The following FCHO1 variants were observed in gnomAD, a reference collection of about 807,000 sequenced individuals.
FCHO1 encodes FCH and mu domain containing endocytic adaptor 1, also known as F-BAR domain only protein 1.
In FCHO1, 45 loss-of-function variants were observed where a neutral mutation model predicts 114.4. The ratio of observed to expected loss-of-function variants is 0.39; its 90% CI spans 0.31 to 0.50. FCHO1 has a LOEUF of 0.50. Among genes scored for constraint, FCHO1 ranks in the 20% least tolerant of loss-of-function variants. The probability of loss-of-function intolerance (pLI) is 0.77; values close to 1 mark genes in which losing one functional copy is unlikely to be tolerated. For missense variants in FCHO1, 1,042 were observed against 1,209.6 expected (o/e 0.86, Z 2.06); for synonymous variants, 480 against 488.9 (o/e 0.98, Z 0.24).
At chr19:17,761,039 C>G (rs771069906) in intron 4 of FCHO1, among the ~76,000 whole-genome samples, 3 of 152,164 alleles carry the variant, frequency 2.0e-5, no homozygotes, top group Non-Finnish European at 4.4e-5. Context: ...CCTCCCCCAC[C>G]ATGACAACCC....
chr19:17,782,196 GTTTA>G lies in FCHO1; in HGVS notation c.1937+380_1937+383del, dbSNP rs963701450. Among the ~76,000 whole-genome samples the G allele has an allele frequency of 8.2e-4, 125 of 151,644 alleles. 1 individual carries two copies. The highest frequency in any genetic ancestry group is 5.2e-3 in the South Asian group (25 of 4,802). On this transcript the variant is annotated intron_variant, in intron 23 of 28. Coordinates refer to ENST00000596536, the MANE Select transcript of FCHO1 (RefSeq NM_015122.3). ...GACTAAATTATTGTGCTTTTTGTTTGTTTATTTGTTTGTTTGTTTGTTTTGAGAC... is the reference window on the plus strand; with the variant it reads ...GACTAAATTATTGTGCTTTTTGTTTGTTTGTTTGTTTGTTTGTTTTGAGAC...
intron 26 of FCHO1, among the ~76,000 whole-genome samples, chr19:17,786,183 A>G (rs1335951993): frequency 6.6e-6 from 1 of 151,980 alleles, no homozygotes; most frequent in African/African-American, 2.4e-5. Context: ...AATTACAAAA[A>G]TTAGCCAGGC....
intron 27 of FCHO1, among the ~76,000 whole-genome samples, chr19:17,787,249 A>G (rs967421029): frequency 2.2e-5 from 3 of 137,400 alleles, no homozygotes; most frequent in Non-Finnish European, 4.6e-5. Context: ...AAAAAAAAAA[A>G]AAAAGCTGGA....
upstream of FCHO1, among the ~76,000 whole-genome samples, chr19:17,748,825 A>G (rs1180892503): frequency 6.6e-6 from 1 of 152,178 alleles, no homozygotes; most frequent in Non-Finnish European, 1.5e-5. Context: ...TGCATTTTAC[A>G]GATTCTGAAC....
rs1285153356 is a variant in FCHO1 at position 17,751,802 on chromosome 19, A to G, written c.-183+225A>G. ...TAGGGGGGCGGCAAGGGGAGCTTGG[A>G]AACCCAGAGAGCCACGCGTGATGGT... On this transcript the variant is annotated intron_variant, in intron 1 of 28. Transcript: ENST00000596536. This position sits in a 1 kb window ranked among gnomAD's most constrained non-coding sequence, Gnocchi z 4.4. Among the ~76,000 whole-genome samples the G allele has an allele frequency of 2.0e-5, 3 of 152,222 alleles. No individual in the cohort carries two copies. Among genetic ancestry groups the G allele is most frequent in the African/African-American group, 4.8e-5 (2 of 41,462 alleles).
Position 17,784,787 on chromosome 19 carries a change from C to T in FCHO1, c.2289C>T (p.Ala763=), listed in dbSNP as rs767495018. ...TCAGTGCCCACTGGCAGTGTGGAGC[C>T]ACCCTCACCCAGGTCTCAGTGGAGT... is the stretch of plus-strand genomic sequence containing the variant. The part of the protein sequence containing the change: ...LQLSAHWQCG[A]TLTQVSVEYG... Residue 763 remains alanine, a synonymous_variant, in exon 26 of 29, where the codon GCC becomes GCT. Coordinates refer to ENST00000596536, the MANE Select transcript of FCHO1 (RefSeq NM_015122.3). The surrounding 1 kb of genome is among the most constrained non-coding windows in gnomAD (Gnocchi z 5.3). 35 of 1,613,978 alleles carry T rather than the reference C, an allele frequency of 2.2e-5. No individual in the cohort carries two copies. Among genetic ancestry groups the T allele is most frequent in the Non-Finnish European group, 4.2e-6 (5 of 1,180,032 alleles).
At chr19:17,757,337 T>G (rs531487086) in intron 4 of FCHO1, among the ~76,000 whole-genome samples, 23 of 151,840 alleles carry the variant, frequency 1.5e-4, no homozygotes, top group African/African-American at 5.6e-4. Flanking sequence ...CTGCTGGGGG[T>G]TTGCCAGGTC....
chr19:17,781,327 G>A lies in FCHO1; in HGVS notation c.1724G>A (p.Arg575His), dbSNP rs934234198. 43 of 1,613,658 alleles carry A rather than the reference G, an allele frequency of 2.7e-5. No individual in the cohort carries two copies. The highest frequency in any genetic ancestry group is 1.1e-4 in the South Asian group (10 of 91,082). The change falls in exon 21 of 29, where the codon CGT becomes CAT. Residue 575 changes from arginine (R) to histidine (H), a missense_variant. Transcript: ENST00000596536. ...RSRKVSCPLT[R>H]SNGDLSRSLS... ...AGGAAGGTGTCCTGCCCTCTCACAC[G>A]TAGCAATGGGGACCTGGTAGGTGAG...
intron 4 of FCHO1, among the ~76,000 whole-genome samples, chr19:17,761,902 G>T (rs1032268039): frequency 6.6e-6 from 1 of 150,520 alleles, no homozygotes. Context: ...CTCATGGTCC[G>T]CCCGCCTCAG....
rs753249852 is a variant in FCHO1, at chr19:17,784,855, C to T, written c.2357C>T (p.Thr786Met). Residue 786 changes from threonine to methionine, a missense_variant, in exon 26 of 29, where the codon ACG becomes ATG. Thr to Met is a moderately conservative substitution (Grantham distance 81). This residue lies in a region of FCHO1 where 137 missense variants were observed against 190.0 expected (regional missense o/e 0.72). Coordinates refer to ENST00000596536, the MANE Select transcript of FCHO1 (RefSeq NM_015122.3). This position sits in a 1 kb window ranked among gnomAD's most constrained non-coding sequence, Gnocchi z 5.3. ...GCCACGGCTGTGCCCACACCACTCACGAACGTCCAGATCCTGCTGCCTGTG... is the reference window on the plus strand; with the variant it reads ...GCCACGGCTGTGCCCACACCACTCATGAACGTCCAGATCCTGCTGCCTGTG... ...PGATAVPTPL[T>M]NVQILLPVGE... 72 of 1,613,702 alleles carry T rather than the reference C, an allele frequency of 4.5e-5. No individual in the cohort carries two copies. In the Admixed American group the frequency reaches 4.7e-4, roughly 10 times the overall value.
chr19:17,770,684 T>A, intron 8 of FCHO1, 107 bp downstream of exon 8: 1 of 1,577,306 alleles, frequency 6.3e-7, no homozygotes, highest in East Asian at 2.2e-5. Flanking sequence ...AACCTGTGGG[T>A]GATCACACCC....
At chr19:17,757,182 TA>T (rs768156240) in intron 4 of FCHO1, among the ~76,000 whole-genome samples, 1,584 of 83,370 alleles carry the variant, frequency 0.019, 17 homozygotes, top group African/African-American at 0.037. Flanking sequence ...AGACTCCGTC[TA>T]AAAAAAAAAA....
At chr19:17,765,951 C>G (rs531444356) in intron 6 of FCHO1, among the ~76,000 whole-genome samples, 4 of 132,366 alleles carry the variant, frequency 3.0e-5, no homozygotes, top group Non-Finnish European at 6.2e-5. Flanking sequence ...TGCAGTGGCG[C>G]GATCTTGGCT....
At chr19:17,762,119 G>A (rs895892290) in intron 4 of FCHO1, among the ~76,000 whole-genome samples, 2 of 151,620 alleles carry the variant, frequency 1.3e-5, no homozygotes, top group Non-Finnish European at 2.9e-5. Context: ...CCAAGTAGCT[G>A]GGATTACAGG....
Position 17,775,112 on chromosome 19 carries a change from A to G in FCHO1, c.945+32A>G, listed in dbSNP as rs2092432276. 6.2e-7 allele frequency: 1 copy of G among 1,605,466 alleles called. No individual in the cohort carries two copies. Among genetic ancestry groups the G allele is most frequent in the African/African-American group, 1.3e-5 (1 of 74,640 alleles). On this transcript the variant is annotated intron_variant, in intron 14 of 28. Transcript: ENST00000596536. This position sits in a 1 kb window ranked among gnomAD's most constrained non-coding sequence, Gnocchi z 5.1. ...GATGTGGGAGGGGTCAGGCTGGGCT[A>G]CAAGTGGAAGGAGTTTGATCCCACT...
chr19:17,784,799 G>C lies in FCHO1; in HGVS notation c.2301G>C (p.Gln767His), dbSNP rs753564254. 2 of 1,614,116 alleles carry C rather than the reference G, an allele frequency of 1.2e-6. No individual in the cohort carries two copies. Among genetic ancestry groups the C allele is most frequent in the South Asian group, 2.2e-5 (2 of 91,090 alleles). ...GGCAGTGTGGAGCCACCCTCACCCA[G>C]GTCTCAGTGGAGTACGGCTACCGGC... ...AHWQCGATLTQVSVEYGYRPG... is the reference protein window; with the variant it reads ...AHWQCGATLTHVSVEYGYRPG... The change falls in exon 26 of 29, where the codon CAG (glutamine) becomes CAC (histidine). Residue 767 changes from glutamine (Q) to histidine (H), a missense_variant. Gln to His is a conservative substitution (Grantham distance 24). This residue lies in a region of FCHO1 where 137 missense variants were observed against 190.0 expected (regional missense o/e 0.72). Coordinates refer to ENST00000596536, the MANE Select transcript of FCHO1 (RefSeq NM_015122.3). This position sits in a 1 kb window ranked among gnomAD's most constrained non-coding sequence, Gnocchi z 5.3.
rs372042106 is a variant in FCHO1 at position 17,772,525 on chromosome 19, G to C, written c.663G>C (p.Ser221=). 1.2e-6 allele frequency: 2 copies of C among 1,614,126 alleles called. No individual in the cohort carries two copies. Among genetic ancestry groups the C allele is most frequent in the Admixed American group, 1.7e-5 (1 of 59,992 alleles). ...MKALLGSYAH[S]VEDTHVQIGQ... The stretch of plus-strand genomic sequence containing the variant: ...CACTGCTGGGCTCATATGCTCACTC[G>C]GTGGAGGACACGCACGTGCAGATTG... The change falls in exon 10 of 29, where the codon TCG becomes TCC. Residue 221 remains serine (S), a synonymous_variant. Coordinates refer to ENST00000596536, the MANE Select transcript of FCHO1 (RefSeq NM_015122.3).
At chr19:17,787,566 A>G in intron 27 of FCHO1, 116 bp from the exon 28 acceptor site, 1 of 1,184,770 alleles carries the variant, frequency 8.4e-7, no homozygotes, top group Non-Finnish European at 1.2e-6. Context: ...GGGAGGTCTG[A>G]TGGGGCACAT....
At chr19:17,768,568 C>T (rs1362150726) in intron 7 of FCHO1, among the ~76,000 whole-genome samples, 1 of 151,898 alleles carries the variant, frequency 6.6e-6, no homozygotes, top group Non-Finnish European at 1.5e-5. Context: ...GGCACACACA[C>T]CTGTAATCCC....
Sources: allele counts gnomAD v4.1 joint callset (sites outside exome capture counted in the v4.1 genomes callset), GRCh38; gene constraint gnomAD v4.1.1; regional missense constraint gnomAD v4.1.1; non-coding constraint Gnocchi (gnomAD v3.1); transcripts MANE v1.5; gene names NCBI Gene and HGNC (gene_info 2026-07-23, HGNC 2026-07-21).